The following CCDC88A variants were observed in gnomAD, a reference collection of about 807,000 sequenced individuals.
CCDC88A encodes the protein girdin.
Under a neutral mutation model 234.3 loss-of-function variants are expected in CCDC88A, and 54 were observed. The ratio of observed to expected loss-of-function variants is 0.23; its 90% CI spans 0.19 to 0.29. CCDC88A has a LOEUF of 0.29. Among genes scored for constraint, CCDC88A ranks in the 10% least tolerant of loss-of-function variants. CCDC88A has a pLI of 1.00. For missense variants in CCDC88A, 1,832 were observed against 2,123.4 expected (o/e 0.86, Z 2.70); for synonymous variants, 753 against 737.8 (o/e 1.02, Z -0.33).
At chr2:55,329,835 C>G (rs1684707475) in intron 16 of CCDC88A, 2 of 152,344 alleles carry the variant, frequency 1.3e-5, no homozygotes, top group Non-Finnish European at 2.9e-5. Context: ...TCTCAGCTCA[C>G]TGCAATCTCT....
intron 9 of CCDC88A, among the ~76,000 whole-genome samples, chr2:55,348,071 C>T (rs1246830990): frequency 6.6e-6 from 1 of 151,996 alleles, no homozygotes; most frequent in Admixed American, 6.6e-5. Flanking sequence ...AAGTGATCTT[C>T]CCACCTCAGT....
chr2:55,390,777 A>T (rs1036243107), intron 2 of CCDC88A, among the ~76,000 whole-genome samples: 1 of 152,226 alleles, frequency 6.6e-6, no homozygotes. Flanking sequence ...CATTCAGAAA[A>T]GAATACCAAA....
At chr2:55,305,862 T>TAA (rs548861030) in intron 25 of CCDC88A, among the ~76,000 whole-genome samples, 58 of 148,450 alleles carry the variant, frequency 3.9e-4, no homozygotes, top group African/African-American at 1.2e-3. Flanking sequence ...CTCCATCTCT[T>TAA]AAAAAAAAAA....
Position 55,374,807 on chromosome 2 carries a change from T to C in CCDC88A, c.343+7A>G. The C allele has an allele frequency of 6.4e-7, 1 of 1,572,904 alleles. No individual in the cohort carries two copies. The highest frequency in any genetic ancestry group is 1.1e-5 in the South Asian group (1 of 89,536). ...CATTACTTTCACAGCTTAATTTTAA[T>C]ACTTACCAGAAAAGGGATTTTTGCC... On this transcript the variant is annotated splice_region_variant and intron_variant, in intron 4 of 32. Transcript: ENST00000436346.
At chr2:55,304,432 C>A (rs1346207144) in intron 25 of CCDC88A, among the ~76,000 whole-genome samples, 2 of 152,074 alleles carry the variant, frequency 1.3e-5, no homozygotes, top group South Asian at 2.1e-4. Flanking sequence ...AATAAAAATT[C>A]TTTTGACCAG....
intron 2 of CCDC88A, among the ~76,000 whole-genome samples, chr2:55,409,051 G>A (rs1053240862): frequency 2.5e-4 from 38 of 152,148 alleles, no homozygotes; most frequent in African/African-American, 9.2e-4. Flanking sequence ...AGCATTACTG[G>A]TTACTCAACC....
chr2:55,322,842 T>G, intron 17 of CCDC88A, 150 bp from the exon 18 acceptor site: 1 of 437,628 alleles, frequency 2.3e-6, no homozygotes, highest in Non-Finnish European at 4.0e-6. Context: ...TTATGCTTTT[T>G]AAAATGTAAA....
chr2:55,416,447 T>A (rs909647088), intron 2 of CCDC88A, among the ~76,000 whole-genome samples: 85 of 61,584 alleles, frequency 1.4e-3, no homozygotes, highest in South Asian at 8.4e-3. Flanking sequence ...TAAATAAATA[T>A]ATATATATAT....
At chr2:55,399,369 T>A (rs758783663) in intron 2 of CCDC88A, among the ~76,000 whole-genome samples, 36 of 148,870 alleles carry the variant, frequency 2.4e-4, no homozygotes, top group Non-Finnish European at 4.6e-4. Flanking sequence ...TACTAAAAAT[T>A]AAAAAAAAAA....
chr2:55,298,926 A>C (rs903518297), intron 29 of CCDC88A, among the ~76,000 whole-genome samples: 10 of 151,144 alleles, frequency 6.6e-5, no homozygotes, highest in Non-Finnish European at 1.2e-4. Context: ...CAGGCCGGGC[A>C]AGGTGGCTCA....
chr2:55,373,670 G>A (rs544412162), intron 4 of CCDC88A, among the ~76,000 whole-genome samples: 138 of 152,098 alleles, frequency 9.1e-4, no homozygotes, highest in Non-Finnish European at 1.4e-3. Context: ...ATGTATGTAC[G>A]ATGGGAAACA....
intron 29 of CCDC88A, among the ~76,000 whole-genome samples, chr2:55,297,907 T>C (rs1191954359): frequency 6.6e-6 from 1 of 152,196 alleles, no homozygotes; most frequent in Non-Finnish European, 1.5e-5. Context: ...TAAATAAAGA[T>C]ATGAAGCAAT....
chr2:55,307,396 G>A (rs1362564498), intron 25 of CCDC88A, among the ~76,000 whole-genome samples: 2 of 117,614 alleles, frequency 1.7e-5, no homozygotes, highest in Non-Finnish European at 1.7e-5. Flanking sequence ...TTTCACTCTT[G>A]TTGCCCAGGC....
At position 55,419,149 on chromosome 2, in the gene CCDC88A, G is replaced by A; in HGVS notation, c.-70C>T. On this transcript the variant is annotated 5_prime_UTR_variant, in exon 1 of 33. Coordinates refer to ENST00000436346, the MANE Select transcript of CCDC88A (RefSeq NM_001365480.1). ...GCCTAGGGAATTGGTCACTAAACGT[G>A]GAAGTAAGTAGAAATCAATGAAAGT... 1.1e-6 allele frequency: 1 copy of A among 908,750 alleles called. No homozygotes were observed. The highest frequency in any genetic ancestry group is 1.8e-6 in the Non-Finnish European group (1 of 557,700). The allele number at this position is 908,750 out of a possible 1,614,324, so 56.3% of individuals were successfully genotyped here.
intron 2 of CCDC88A, chr2:55,405,745 A>T (rs1362906687): frequency 6.6e-6 from 1 of 152,078 alleles, no homozygotes; most frequent in African/African-American, 2.4e-5. Flanking sequence ...TAAGTTGCCC[A>T]CTCCTTATGA....
chr2:55,365,511 T>A (rs1277119418), intron 5 of CCDC88A, among the ~76,000 whole-genome samples: 1 of 152,170 alleles, frequency 6.6e-6, no homozygotes, highest in African/African-American at 2.4e-5. Context: ...TGCCTTCAGT[T>A]TAGACTAAAT....
chr2:55,410,532 G>C (rs1032944838), intron 2 of CCDC88A, among the ~76,000 whole-genome samples: 1 of 152,090 alleles, frequency 6.6e-6, no homozygotes, highest in Non-Finnish European at 1.5e-5. Flanking sequence ...CAAATGTTAG[G>C]GGCAGATCTC....
At chr2:55,412,602 T>G (rs1680681791) in intron 2 of CCDC88A, among the ~76,000 whole-genome samples, 1 of 152,172 alleles carries the variant, frequency 6.6e-6, no homozygotes, top group South Asian at 2.1e-4. Context: ...GGTAGAACAG[T>G]TTCATCCTGA....
In CCDC88A at chr2:55,288,534, A is replaced by C. The variant is rs757215533; in HGVS notation, c.*2666T>G. ...TAGTACTTCATTGTGAGGTGGCTAC[A>C]ACTCTATAATATGCACAGTGATTTT... On this transcript the variant is annotated 3_prime_UTR_variant, in exon 33 of 33. Transcript: ENST00000436346. 1.3e-5 allele frequency: 2 copies of C among 152,688 alleles called. No homozygotes were observed. The highest frequency in any genetic ancestry group is 2.4e-5 in the African/African-American group (1 of 41,468). 9.5% of individuals were successfully genotyped at this position (152,688 alleles called of 1,614,324 possible).
Sources: gnomAD v4.1 joint callset for allele counts (sites outside exome capture counted in the v4.1 genomes callset) on GRCh38, gnomAD v4.1.1 for gene constraint, MANE v1.5 for transcripts, NCBI Gene and HGNC (gene_info 2026-07-23, HGNC 2026-07-21) for gene names.